The following DUSP16 variants were observed in gnomAD, a reference collection of about 807,000 sequenced individuals.
The protein encoded by DUSP16 is dual specificity phosphatase 16, also known as dual specificity protein phosphatase 16.
DUSP16 carries 21 observed loss-of-function variants against 58.3 expected under a neutral mutation model. The ratio of observed to expected loss-of-function variants is 0.36; its 90% CI spans 0.26 to 0.52. The LOEUF (loss-of-function observed/expected upper bound fraction) is 0.52. DUSP16 is among the 20% of genes least tolerant of loss of function. DUSP16 has a pLI of 0.94. For missense variants in DUSP16, 726 were observed against 819.0 expected (o/e 0.89, Z 1.39); for synonymous variants, 320 against 323.8 (o/e 0.99, Z 0.12).
chr12:12,538,602 G>C lies in DUSP16; in HGVS notation c.-365-17139C>G, dbSNP rs974604284. Among the ~76,000 whole-genome samples, 3 of 152,168 alleles carry C rather than the reference G, an allele frequency of 2.0e-5. No homozygotes were observed. The East Asian group carries it at 5.8e-4, about 29-fold the overall frequency. On this transcript the variant is annotated intron_variant, in intron 1 of 6. Coordinates refer to ENST00000298573, the MANE Select transcript of DUSP16 (RefSeq NM_030640.3). The stretch of plus-strand genomic sequence containing the variant: ...ACACAGAACGCAAAATATTTCAAAA[G>C]ATGAGAAATAATGCACCCTTTTAAA...
At chr12:12,480,722 T>A (rs1034742515) in intron 5 of DUSP16, among the ~76,000 whole-genome samples, 29 of 152,196 alleles carry the variant, frequency 1.9e-4, no homozygotes, top group Non-Finnish European at 2.9e-4. Context: ...TTACATTTTT[T>A]AAAATCATTA....
intron 1 of DUSP16, among the ~76,000 whole-genome samples, chr12:12,541,436 A>G (rs1944559022): frequency 6.6e-6 from 1 of 152,250 alleles, no homozygotes; most frequent in South Asian, 2.1e-4. Context: ...ACCCAACAGT[A>G]TCTCCCACAA....
chr12:12,506,888 GA>G (rs1043068467), intron 3 of DUSP16, among the ~76,000 whole-genome samples: 1 of 152,180 alleles, frequency 6.6e-6, no homozygotes, highest in Non-Finnish European at 1.5e-5. Context: ...TTCCGACACA[GA>G]AAACATCTGG....
intron 4 of DUSP16, among the ~76,000 whole-genome samples, chr12:12,496,154 A>T (rs1284238487): frequency 2.6e-5 from 4 of 152,220 alleles, no homozygotes; most frequent in African/African-American, 9.6e-5. Flanking sequence ...TCACCTTGTC[A>T]TGTCAATTGT....
intron 4 of DUSP16, among the ~76,000 whole-genome samples, chr12:12,490,783 T>C (rs1347314675): frequency 6.6e-6 from 1 of 152,206 alleles, no homozygotes; most frequent in Non-Finnish European, 1.5e-5. Flanking sequence ...ACTTTACAGC[T>C]CCCTTATTCC....
intron 4 of DUSP16, among the ~76,000 whole-genome samples, chr12:12,491,945 T>C (rs1003021249): frequency 6.6e-6 from 1 of 152,222 alleles, no homozygotes; most frequent in African/African-American, 2.4e-5. Context: ...ATCCCCATGA[T>C]GTCTGTCTGC....
At chr12:12,507,360 A>T (rs1267045094) in intron 3 of DUSP16, among the ~76,000 whole-genome samples, 1 of 152,142 alleles carries the variant, frequency 6.6e-6, no homozygotes, top group African/African-American at 2.4e-5. Context: ...TTAAATAGGG[A>T]GCAAGTCACT....
At chr12:12,502,487 A>C (rs966660463) in intron 3 of DUSP16, among the ~76,000 whole-genome samples, 20 of 152,320 alleles carry the variant, frequency 1.3e-4, no homozygotes, top group Admixed American at 1.2e-3. Flanking sequence ...CCATTATAGA[A>C]ATCACAAATT....
intron 4 of DUSP16, among the ~76,000 whole-genome samples, chr12:12,495,271 T>C (rs2136206419): frequency 6.6e-6 from 1 of 151,604 alleles, no homozygotes; most frequent in Middle Eastern, 3.4e-3. Flanking sequence ...ATGATGTATA[T>C]TTTTCACTAA....
chr12:12,482,628 C>T (rs552363943), intron 5 of DUSP16, among the ~76,000 whole-genome samples: 1 of 152,276 alleles, frequency 6.6e-6, no homozygotes, highest in East Asian at 1.9e-4. Flanking sequence ...AAACAGCCTG[C>T]CTTGGAGAAG....
chr12:12,478,531 T>C (rs1259637581), intron 6 of DUSP16, among the ~76,000 whole-genome samples: 2 of 152,206 alleles, frequency 1.3e-5, no homozygotes, highest in African/African-American at 2.4e-5. Context: ...AGAAAGGGTC[T>C]CACTGTGTTG....
chr12:12,477,979 G>A lies in DUSP16; in HGVS notation c.852C>T (p.Asn284=), dbSNP rs777118382. The A allele has an allele frequency of 8.6e-5, 138 of 1,606,884 alleles. 1 individual carries two copies. In the Middle Eastern group the frequency reaches 1.5e-3, roughly 17 times the overall value. Residue 284 remains asparagine, a synonymous_variant, in exon 7 of 7, where the codon AAC becomes AAT. Transcript: ENST00000298573. This position sits in a 1 kb window ranked among gnomAD's most constrained non-coding sequence, Gnocchi z 4.1. ...CCAGGAGTTGGCCCAGAAAATTGAA[G>A]TTTGGAGATATAGTAGGTCTTTTTT... is the stretch of plus-strand genomic sequence containing the variant. ...VKEKRPTISP[N]FNFLGQLLDY... is the part of the protein sequence containing the mutation.
rs1370416839 is a variant in DUSP16 at position 12,475,504 on chromosome 12, G to A, written c.*1329C>T. ...CCAAAAACAGCTTGGCCATGGCTTT[G>A]CACTCTATTCACAACTGATCAAAAC... On this transcript the variant is annotated 3_prime_UTR_variant, in exon 7 of 7. Coordinates refer to ENST00000298573, the MANE Select transcript of DUSP16 (RefSeq NM_030640.3). 1 of 152,176 alleles carries A rather than the reference G, an allele frequency of 6.6e-6. No homozygotes were observed. The highest frequency in any genetic ancestry group is 1.9e-4 in the East Asian group (1 of 5,200). 9.4% of individuals were successfully genotyped at this position (152,176 alleles called of 1,614,324 possible).
At chr12:12,483,644 G>A (rs1943619202) in intron 5 of DUSP16, among the ~76,000 whole-genome samples, 1 of 150,376 alleles carries the variant, frequency 6.6e-6, no homozygotes. Context: ...CATGAGGAGA[G>A]CTGGAGGAAG....
rs568884127 is a variant in DUSP16 at position 12,560,599 on chromosome 12, C to T, written c.-366+1518G>A. 8.7e-4 allele frequency among the ~76,000 whole-genome samples: 132 copies of T among 152,296 alleles called. 5 individuals carry two copies. Among genetic ancestry groups the T allele is most frequent in the South Asian group, 8.3e-4 (4 of 4,824 alleles). On this transcript the variant is annotated intron_variant, in intron 1 of 6. Transcript: ENST00000298573. Reference sequence around the variant, plus strand: ...TTTTTACTAAAATCCCTACACAGAGCCATACATTCTGCTTTTCATTTTACT... The same window carrying T: ...TTTTTACTAAAATCCCTACACAGAGTCATACATTCTGCTTTTCATTTTACT...
intron 1 of DUSP16, among the ~76,000 whole-genome samples, chr12:12,533,395 C>G (rs1458912358): frequency 6.6e-6 from 1 of 152,214 alleles, no homozygotes; most frequent in Non-Finnish European, 1.5e-5. Context: ...CCTAAGCAGA[C>G]ATGCACAACA....
chr12:12,561,695 G>A (rs1944906485), intron 1 of DUSP16, among the ~76,000 whole-genome samples: 1 of 152,178 alleles, frequency 6.6e-6, no homozygotes, highest in African/African-American at 2.4e-5. Context: ...GCCCCACTTG[G>A]CAGGCGTGTT....
chr12:12,536,796 G>C (rs1288362587), intron 1 of DUSP16, among the ~76,000 whole-genome samples: 5 of 151,812 alleles, frequency 3.3e-5, no homozygotes, highest in African/African-American at 1.2e-4. Flanking sequence ...CCAACACTTT[G>C]GGAGGCCGAG....
At chr12:12,515,645 C>G (rs1169181011) in intron 3 of DUSP16, among the ~76,000 whole-genome samples, 1 of 150,638 alleles carries the variant, frequency 6.6e-6, no homozygotes, top group Non-Finnish European at 1.5e-5. Context: ...ATTCTTAAGT[C>G]TAAATTTCAA....
Sources: gnomAD v4.1 joint callset for allele counts (sites outside exome capture counted in the v4.1 genomes callset) on GRCh38, gnomAD v4.1.1 for gene constraint, Gnocchi (gnomAD v3.1) non-coding constraint, MANE v1.5 for transcripts, NCBI Gene and HGNC (gene_info 2026-07-23, HGNC 2026-07-21) for gene names.